Variants in CRYBG3 observed in about 807,000 individuals in gnomAD.
The protein encoded by CRYBG3 is crystallin beta-gamma domain containing 3, also known as very large A-kinase anchor protein.
A neutral mutation model predicts 244.2 loss-of-function variants in CRYBG3; 127 were observed. The ratio of observed to expected loss-of-function variants is 0.52; its 90% CI spans 0.45 to 0.60. CRYBG3 has a LOEUF of 0.60. CRYBG3 is among the 20% of genes least tolerant of loss of function. The probability of loss-of-function intolerance (pLI) is 0.00; values close to 1 mark genes in which losing one functional copy is unlikely to be tolerated. For missense variants in CRYBG3, 3,325 were observed against 3,442.5 expected (o/e 0.97, Z 0.85); for synonymous variants, 1,132 against 1,195.8 (o/e 0.95, Z 1.10).
chr3:97,935,289 T>C (rs1456789713), intron 18 of CRYBG3, among the ~76,000 whole-genome samples: 1 of 152,122 alleles, frequency 6.6e-6, no homozygotes, highest in African/African-American at 2.4e-5. Context: ...ATTTTATAAC[T>C]GAAACTTCCC....
chr3:97,846,381 C>T (rs1056212891), intron 2 of CRYBG3, among the ~76,000 whole-genome samples: 8 of 152,092 alleles, frequency 5.3e-5, no homozygotes, highest in Non-Finnish European at 8.8e-5. Flanking sequence ...TAATATCTTC[C>T]GATCCTTTGG....
chr3:97,838,242 A>G (rs1157016980), intron 1 of CRYBG3, among the ~76,000 whole-genome samples: 1 of 152,128 alleles, frequency 6.6e-6, no homozygotes, highest in African/African-American at 2.4e-5. Context: ...GTGTTGGAAA[A>G]TGGGTAGTGT....
intron 18 of CRYBG3, among the ~76,000 whole-genome samples, chr3:97,935,593 C>T (rs975583567): frequency 1.8e-4 from 27 of 152,060 alleles, no homozygotes; most frequent in African/African-American, 6.0e-4. Context: ...AACTTATGCT[C>T]AAGTTGGTAT....
intron 11 of CRYBG3, among the ~76,000 whole-genome samples, 166 bp from the exon 12 acceptor site, chr3:97,895,793 A>G (rs1307488340): frequency 1.3e-5 from 2 of 152,206 alleles, no homozygotes; most frequent in Non-Finnish European, 2.9e-5. Flanking sequence ...TTATTGATCT[A>G]TGAAGCACAC....
chr3:97,852,806 A>G (rs775268941), intron 2 of CRYBG3, among the ~76,000 whole-genome samples: 3 of 152,108 alleles, frequency 2.0e-5, no homozygotes, highest in Non-Finnish European at 4.4e-5. Context: ...AGTGTATAAC[A>G]GTTCCCTTTT....
Position 97,843,249 on chromosome 3 carries a change from A to C in CRYBG3, c.204A>C (p.Ser68=). ...TSQKKENVLS[S]EAVKIRQSED... is the part of the protein sequence containing the mutation. ...AGAAAAAGGAAAATGTACTTTCATC[A>C]GAAGCAGTAAAGGTATAGTTTTAAA... The change falls in exon 2 of 22, where the codon TCA becomes TCC. Residue 68 remains serine (S), a synonymous_variant. Coordinates refer to ENST00000389622, the MANE Select transcript of CRYBG3 (RefSeq NM_153605.4). 1 of 1,484,316 alleles carries C rather than the reference A, an allele frequency of 6.7e-7. No homozygotes were observed. Among genetic ancestry groups the C allele is most frequent in the Non-Finnish European group, 9.1e-7 (1 of 1,103,634 alleles). The allele number at this position is 1,484,316 out of a possible 1,614,324, so 91.9% of individuals were successfully genotyped here.
In CRYBG3 at chr3:97,862,884, G is replaced by A. The variant is rs1338273232; in HGVS notation, c.217-1333G>A. Reference sequence around the variant, plus strand: ...CAGAAATCCCCTTTGACACCTGTGGGAACAAATTTAAAAGTATTGTTTGCT... The same window carrying A: ...CAGAAATCCCCTTTGACACCTGTGGAAACAAATTTAAAAGTATTGTTTGCT... On this transcript the variant is annotated intron_variant, in intron 2 of 21. Coordinates refer to ENST00000389622, the MANE Select transcript of CRYBG3 (RefSeq NM_153605.4). Among the ~76,000 whole-genome samples the A allele has an allele frequency of 2.0e-5, 3 of 152,082 alleles. No homozygotes were observed. The East Asian group carries it at 5.8e-4, about 29-fold the overall frequency.
chr3:97,932,836 C>T (rs1455240345), intron 17 of CRYBG3, among the ~76,000 whole-genome samples: 1 of 152,050 alleles, frequency 6.6e-6, no homozygotes, highest in Non-Finnish European at 1.5e-5. Context: ...TCCCTCTGTT[C>T]ACCATCTTCT....
intron 11 of CRYBG3, among the ~76,000 whole-genome samples, chr3:97,894,030 T>G (rs578118483): frequency 2.3e-4 from 35 of 152,290 alleles, no homozygotes; most frequent in African/African-American, 8.4e-4. Context: ...TTTAAAAAAT[T>G]TATTAGGGTC....
chr3:97,877,309 T>C lies in CRYBG3; in HGVS notation c.6115T>C (p.Cys2039Arg), dbSNP rs1352065272. The part of the protein sequence containing the change: ...TSADSMPVLA[C>R]ERSESRTDLV... The stretch of plus-strand genomic sequence containing the variant: ...CGCTGACAGCATGCCTGTTCTGGCA[T>C]GTGAAAGGTCTGAGAGTAGAACTGA... The change falls in exon 4 of 22, where the codon TGT becomes CGT. Residue 2039 changes from cysteine to arginine, a missense_variant. This residue lies in a region of CRYBG3 where 450 missense variants were observed against 424.1 expected (regional missense o/e 1.06). Coordinates refer to ENST00000389622, the MANE Select transcript of CRYBG3 (RefSeq NM_153605.4). The C allele has an allele frequency of 2.5e-6, 4 of 1,614,038 alleles. No homozygotes were observed. Among genetic ancestry groups the C allele is most frequent in the East Asian group, 2.2e-5 (1 of 44,880 alleles).
chr3:97,916,379 G>A (rs1474495045), intron 17 of CRYBG3, among the ~76,000 whole-genome samples: 1 of 152,074 alleles, frequency 6.6e-6, no homozygotes, highest in African/African-American at 2.4e-5. Context: ...CACCTCTGAG[G>A]CCCATATTTA....
rs2039675140 is a variant in CRYBG3, at chr3:97,899,169, G to C, written c.7877G>C (p.Gly2626Ala). 1 of 1,613,192 alleles carries C rather than the reference G, an allele frequency of 6.2e-7. No individual in the cohort carries two copies. Among genetic ancestry groups the C allele is most frequent in the East Asian group, 2.2e-5 (1 of 44,820 alleles). ...GCCTACCAGCAAAAGTTCTTCTGTG[G>C]AGAACAATACATTTTAGAAAAAGGG... ...WVAYQQKFFC[G>A]EQYILEKGKY... The change falls in exon 14 of 22, where the codon GGA (glycine) becomes GCA (alanine). Residue 2626 changes from glycine to alanine, a missense_variant. Transcript: ENST00000389622.
intron 4 of CRYBG3, among the ~76,000 whole-genome samples, chr3:97,878,280 G>A (rs766408261): frequency 1.3e-5 from 2 of 152,048 alleles, no homozygotes; most frequent in Non-Finnish European, 2.9e-5. Flanking sequence ...GCATGGTGGC[G>A]GGCGCCTGTA....
intron 11 of CRYBG3, among the ~76,000 whole-genome samples, chr3:97,894,908 C>T (rs1313643985): frequency 6.6e-6 from 1 of 152,016 alleles, no homozygotes; most frequent in African/African-American, 2.4e-5. Context: ...GACCCTCTGC[C>T]CCACCGTCAT....
Position 97,872,421 on chromosome 3 carries a change from A to G in CRYBG3, c.1227A>G (p.Lys409=). The G allele has an allele frequency of 6.5e-7, 1 of 1,535,898 alleles. No individual in the cohort carries two copies. The highest frequency in any genetic ancestry group is 1.2e-5 in the South Asian group (1 of 84,036). The change falls in exon 4 of 22, where the codon AAA becomes AAG. Residue 409 remains lysine (K), a synonymous_variant. Transcript: ENST00000389622. ...TAACTACAACAGAAAATACGATAAA[A>G]GAAAACAGCACTGTGATGAGTAATA... ...QRVTTTENTI[K]ENSTVMSNRT... is the part of the protein sequence containing the mutation.
intron 17 of CRYBG3, chr3:97,933,114 G>C (rs1385779849): frequency 6.6e-6 from 3 of 454,496 alleles, no homozygotes. Flanking sequence ...ATACATTAAT[G>C]AATGAAAAAG....
chr3:97,876,745 G>T lies in CRYBG3; in HGVS notation c.5551G>T (p.Glu1851Ter). ...SVIEMEKISP[E>*]DRGENIGKHK... ...GATAGAAATGGAAAAAATATCCCCA[G>T]AAGATCGTGGTGAGAATATTGGGAA... Residue 1851 changes from glutamate (E) to a stop codon, truncating the protein, a stop_gained, in exon 4 of 22, where the codon GAA (glutamate) becomes TAA (stop). Coordinates refer to ENST00000389622, the MANE Select transcript of CRYBG3 (RefSeq NM_153605.4). LOFTEE classifies it high-confidence loss of function. 1 of 1,255,330 alleles carries T rather than the reference G, an allele frequency of 8.0e-7. No individual in the cohort carries two copies. The highest frequency in any genetic ancestry group is 1.0e-6 in the Non-Finnish European group (1 of 1,002,526). 77.8% of individuals were successfully genotyped at this position (1,255,330 alleles called of 1,614,324 possible). A position where few individuals can be genotyped will look rare whatever the true frequency, so the allele number is the denominator to read the frequency against.
intron 17 of CRYBG3, among the ~76,000 whole-genome samples, chr3:97,919,150 T>C (rs557121928): frequency 6.6e-6 from 1 of 152,260 alleles, no homozygotes; most frequent in Non-Finnish European, 1.5e-5. Context: ...CTAACTTCCT[T>C]TTAAAAACTT....
Position 97,892,879 on chromosome 3 carries a change from C to A in CRYBG3, c.7460C>A (p.Pro2487His). ...TTTCAGGTTATTATTTATGAAAAACCTCACTTCCATGGACAGGCTAAAGAG... is the reference window on the plus strand; with the variant it reads ...TTTCAGGTTATTATTTATGAAAAACATCACTTCCATGGACAGGCTAAAGAG... ...MNLKVIIYEK[P>H]HFHGQAKEFS... Residue 2487 changes from proline (P) to histidine (H), a missense_variant, in exon 11 of 22, where the codon CCT becomes CAT. Pro to His is a moderately conservative substitution (Grantham distance 77). This residue lies in a region of CRYBG3 where 714 missense variants were observed against 803.6 expected (regional missense o/e 0.89). Transcript: ENST00000389622. 1 of 1,500,846 alleles carries A rather than the reference C, an allele frequency of 6.7e-7. No homozygotes were observed. The highest frequency in any genetic ancestry group is 9.0e-7 in the Non-Finnish European group (1 of 1,105,424). 93.0% of individuals were successfully genotyped at this position (1,500,846 alleles called of 1,614,324 possible). A position where few individuals can be genotyped will look rare whatever the true frequency, so the allele number is the denominator to read the frequency against.
Sources: gnomAD v4.1 joint callset for allele counts (sites outside exome capture counted in the v4.1 genomes callset) on GRCh38, gnomAD v4.1.1 for gene constraint, gnomAD v4.1.1 regional missense constraint, MANE v1.5 for transcripts, NCBI Gene and HGNC (gene_info 2026-07-23, HGNC 2026-07-21) for gene names.